The following SV2C variants were observed in gnomAD, a reference collection of about 807,000 sequenced individuals.
SV2C encodes the protein synaptic vesicle glycoprotein 2C.
In SV2C, 49 loss-of-function variants were observed where a neutral mutation model predicts 79.7. The observed-to-expected ratio is 0.61, with a 90% confidence interval of 0.49 to 0.78. The LOEUF is 0.78. Among genes scored for constraint, SV2C ranks in the 30% least tolerant of loss-of-function variants. The pLI, the probability that SV2C is intolerant of heterozygous loss-of-function variation, is 0.00. For synonymous variants in SV2C, 334 were observed against 333.2 expected (o/e 1.00, Z -0.03); for missense variants, 833 against 912.9 (o/e 0.91, Z 1.13).
the SV2C span, among the ~76,000 whole-genome samples, chr5:76,018,638 A>G: frequency 5.9e-5 from 9 of 152,202 alleles, no homozygotes; most frequent in Admixed American, 1.3e-4. Flanking sequence ...TTTTTCAATA[A>G]TGTATCAATG....
At chr5:75,914,047 A>G in the SV2C span, among the ~76,000 whole-genome samples, 1 of 152,130 alleles carries the variant, frequency 6.6e-6, no homozygotes, top group Admixed American at 6.6e-5. Flanking sequence ...ATGTGGGTCT[A>G]AGGTCTTTTC....
chr5:76,267,226 C>A (rs1561290651), intron 4 of SV2C, among the ~76,000 whole-genome samples: 1 of 152,092 alleles, frequency 6.6e-6, no homozygotes, highest in South Asian at 2.1e-4. Context: ...TTAAAATATA[C>A]CTGGTGTAGC....
intron 2 of SV2C, among the ~76,000 whole-genome samples, chr5:76,156,102 G>A (rs1742717753): frequency 1.3e-5 from 2 of 152,134 alleles, no homozygotes; most frequent in Non-Finnish European, 2.9e-5. Flanking sequence ...TGGAGTCAGA[G>A]TGAATCTTAA....
the SV2C span, among the ~76,000 whole-genome samples, chr5:75,979,172 A>G: frequency 6.6e-6 from 1 of 152,184 alleles, no homozygotes; most frequent in African/African-American, 2.4e-5. Flanking sequence ...CAATTCAACA[A>G]GATGATCTAA....
At chr5:75,876,344 C>T in the SV2C span, among the ~76,000 whole-genome samples, 3 of 152,076 alleles carry the variant, frequency 2.0e-5, no homozygotes, top group Admixed American at 6.6e-5. Context: ...TGCATGTTCT[C>T]TCTTGCAGGT....
intron 2 of SV2C, among the ~76,000 whole-genome samples, chr5:76,152,066 C>T (rs1749622923): frequency 6.6e-6 from 1 of 151,838 alleles, no homozygotes; most frequent in Non-Finnish European, 1.5e-5. Flanking sequence ...GTCTCAGTTG[C>T]CTGGAGGCCA....
the SV2C span, among the ~76,000 whole-genome samples, chr5:75,993,426 T>C: frequency 6.6e-6 from 1 of 151,934 alleles, no homozygotes; most frequent in Non-Finnish European, 1.5e-5. Context: ...AATGACAAGC[T>C]GAGTGAAAAT....
the SV2C span, among the ~76,000 whole-genome samples, chr5:75,881,572 G>C: frequency 0.16 from 24,257 of 151,776 alleles, 2,866 homozygotes; most frequent in African/African-American, 0.34. Flanking sequence ...GTGAATGGGA[G>C]TTCACTCATG....
the SV2C span, among the ~76,000 whole-genome samples, chr5:76,029,729 T>C: frequency 6.6e-6 from 1 of 152,222 alleles, no homozygotes; most frequent in African/African-American, 2.4e-5. Context: ...TATTTGGCTC[T>C]TCTACAGATC....
chr5:76,118,294 A>G (rs1391130893), intron 1 of SV2C, among the ~76,000 whole-genome samples: 1 of 152,098 alleles, frequency 6.6e-6, no homozygotes, highest in East Asian at 1.9e-4. Context: ...TCTGTCTGTT[A>G]TAAGGATGCT....
chr5:76,253,991 A>G (rs1167927203), intron 4 of SV2C, among the ~76,000 whole-genome samples: 1 of 152,036 alleles, frequency 6.6e-6, no homozygotes, highest in Non-Finnish European at 1.5e-5. Context: ...GTAGAAATGT[A>G]ATGCATTGTC....
the SV2C span, among the ~76,000 whole-genome samples, chr5:75,897,408 C>T: frequency 2.3e-4 from 34 of 149,424 alleles, no homozygotes; most frequent in South Asian, 8.4e-4. Flanking sequence ...GAGGGCTGTG[C>T]TCTGTTCCAT....
the SV2C span, among the ~76,000 whole-genome samples, chr5:75,993,406 G>A: frequency 2.0e-5 from 3 of 152,012 alleles, no homozygotes; most frequent in Admixed American, 2.0e-4. Context: ...GGGAGGCAAA[G>A]AGAGGCAAGA....
chr5:76,255,543 C>T (rs1746237441), intron 4 of SV2C, among the ~76,000 whole-genome samples: 1 of 152,166 alleles, frequency 6.6e-6, no homozygotes, highest in South Asian at 2.1e-4. Context: ...TAGAGTGGTC[C>T]TTTGGCCCCA....
chr5:76,279,527 G>A (rs1339087679), intron 4 of SV2C, among the ~76,000 whole-genome samples: 4 of 152,226 alleles, frequency 2.6e-5, no homozygotes, highest in African/African-American at 9.6e-5. Flanking sequence ...ACAAAAAACA[G>A]TGGAATGGAC....
intron 1 of SV2C, among the ~76,000 whole-genome samples, chr5:76,115,781 C>T (rs892941539): frequency 1.3e-5 from 2 of 152,164 alleles, no homozygotes; most frequent in African/African-American, 4.8e-5. Context: ...CTACTCTAAA[C>T]CCATCTTTCT....
At chr5:76,250,831 CG>C (rs1746091255) in intron 4 of SV2C, among the ~76,000 whole-genome samples, 1 of 152,018 alleles carries the variant, frequency 6.6e-6, no homozygotes, top group African/African-American at 2.4e-5. Context: ...TCTCAATGGA[CG>C]TTTTTTTTTC....
chr5:76,304,512 G>A lies in SV2C; in HGVS notation c.2000+2967G>A, dbSNP rs542196965. ...GAATAGAACACAAAAATTCTGGCTA[G>A]AGGCTTTACTTCATTCTCTTGTGTT... On this transcript the variant is annotated intron_variant, in intron 12 of 12. Transcript: ENST00000502798. Among the ~76,000 whole-genome samples, 28 of 152,344 alleles carry A rather than the reference G, an allele frequency of 1.8e-4. No individual in the cohort carries two copies. In the South Asian group the frequency reaches 5.2e-3, roughly 28 times the overall value.
chr5:76,076,291 A>G, the SV2C span, among the ~76,000 whole-genome samples: 106 of 152,366 alleles, frequency 7.0e-4, 2 homozygotes, highest in African/African-American at 2.5e-3. Context: ...GCAGAGTTGG[A>G]TAGAAGATTG....
Sources: gnomAD v4.1 joint callset for allele counts (sites outside exome capture counted in the v4.1 genomes callset) on GRCh38, gnomAD v4.1.1 for gene constraint, MANE v1.5 for transcripts, NCBI Gene and HGNC (gene_info 2026-07-23, HGNC 2026-07-21) for gene names.